ABCA12: variants seen among roughly 807,000 people sequenced by gnomAD.
The protein encoded by ABCA12 is ATP binding cassette subfamily A member 12, also known as glucosylceramide transporter ABCA12.
Under a neutral mutation model 293.5 loss-of-function variants are expected in ABCA12, and 156 were observed. The observed-to-expected ratio is 0.53, with a 90% CI of 0.47 to 0.61. The LOEUF is 0.61. Ranked by LOEUF, ABCA12 falls within the 20% of genes least tolerant of loss-of-function variation. The pLI is 0.00. For missense variants in ABCA12, 2,797 were observed against 3,090.2 expected (o/e 0.91, Z 2.25); for synonymous variants, 1,063 against 1,108.0 (o/e 0.96, Z 0.81).
At chr2:214,933,817 G>T (rs948757502) in intron 52 of ABCA12, among the ~76,000 whole-genome samples, 6 of 152,124 alleles carry the variant, frequency 3.9e-5, no homozygotes, top group Admixed American at 1.3e-4. Flanking sequence ...AAATAGTGGG[G>T]TTTTTTTCTT....
At position 214,937,615 on chromosome 2, in the gene ABCA12, C is replaced by G; in HGVS notation, c.7437G>C (p.Arg2479Ser). Residue 2479 changes from arginine (R) to serine (S), a missense_variant and splice_region_variant, in exon 51 of 53, where the codon AGG becomes AGC. By Grantham distance (110) the Arg-to-Ser change is moderately radical. This residue lies in a region of ABCA12 where 2,130 missense variants were observed against 2,427.0 expected (regional missense o/e 0.88). Coordinates refer to ENST00000272895, the MANE Select transcript of ABCA12 (RefSeq NM_173076.3). ...CTTTGACAGTAAATCCTCGTCCAAA[C>G]CTAGAAAGAAAAAGTGCAAAATATG... The part of the protein sequence containing the change: ...CIGSLQHIKS[R>S]FGRGFTVKVH... 6.2e-7 allele frequency: 1 copy of G among 1,612,958 alleles called. No homozygotes were observed. The highest frequency in any genetic ancestry group is 8.5e-7 in the Non-Finnish European group (1 of 1,179,146).
chr2:214,989,952 C>T (rs1699878293), intron 24 of ABCA12, among the ~76,000 whole-genome samples: 1 of 152,016 alleles, frequency 6.6e-6, no homozygotes, highest in Admixed American at 6.6e-5. Flanking sequence ...CTAAAATTTA[C>T]CAAAAATGTT....
At chr2:215,039,481 C>T (rs1004507751) in intron 7 of ABCA12, among the ~76,000 whole-genome samples, 5 of 152,096 alleles carry the variant, frequency 3.3e-5, no homozygotes, top group South Asian at 4.1e-4. Context: ...AAAGGCCGGG[C>T]GCAGTGGCTC....
intron 8 of ABCA12, 60 bp downstream of exon 8, chr2:215,036,893 T>C (rs2106037463): frequency 6.9e-7 from 1 of 1,451,520 alleles, no homozygotes; most frequent in South Asian, 1.1e-5. Context: ...GCACTCTGCT[T>C]TATATTTCCA....
At chr2:214,938,255 T>A (rs1001445524) in intron 50 of ABCA12, among the ~76,000 whole-genome samples, 1 of 152,206 alleles carries the variant, frequency 6.6e-6, no homozygotes, top group Non-Finnish European at 1.5e-5. Context: ...GGTTTCCAGC[T>A]TTATCCATGT....
intron 2 of ABCA12, among the ~76,000 whole-genome samples, chr2:215,073,178 T>C (rs1701770450): frequency 6.6e-6 from 1 of 152,200 alleles, no homozygotes. Context: ...TTAGTCTTGT[T>C]AGATAAGCCT....
intron 1 of ABCA12, among the ~76,000 whole-genome samples, chr2:215,128,934 G>A (rs1702989873): frequency 6.6e-6 from 1 of 152,184 alleles, no homozygotes; most frequent in African/African-American, 2.4e-5. Flanking sequence ...GGCTCTGTCA[G>A]AGGGAAGATC....
intron 2 of ABCA12, among the ~76,000 whole-genome samples, chr2:215,086,338 G>A (rs558700890): frequency 1.3e-5 from 2 of 152,336 alleles, no homozygotes; most frequent in South Asian, 2.1e-4. Context: ...ACAGACCAGG[G>A]ATACTTAAGT....
At chr2:215,021,759 T>A (rs1232883720) in intron 11 of ABCA12, among the ~76,000 whole-genome samples, 2 of 134,650 alleles carry the variant, frequency 1.5e-5, no homozygotes, top group Non-Finnish European at 3.1e-5. Flanking sequence ...CAATGATATG[T>A]CTTTAATGAG....
rs1014297830 is a variant in ABCA12, at chr2:214,956,573, G to A, written c.6233+90C>T. 28 of 935,420 alleles carry A rather than the reference G, an allele frequency of 3.0e-5. No homozygotes were observed. In the African/African-American group the frequency reaches 4.3e-4, roughly 14 times the overall value. 57.9% of individuals were successfully genotyped at this position (935,420 alleles called of 1,614,324 possible). On this transcript the variant is annotated intron_variant, in intron 42 of 52. Coordinates refer to ENST00000272895, the MANE Select transcript of ABCA12 (RefSeq NM_173076.3). ...TGTCAAATGAAACCCCAAGACAATT[G>A]TAATTTAGCTAATGAGATTTAAGTC...
intron 2 of ABCA12, among the ~76,000 whole-genome samples, chr2:215,084,299 C>T (rs1701998647): frequency 6.6e-6 from 1 of 152,096 alleles, no homozygotes; most frequent in Admixed American, 6.6e-5. Context: ...CAAATGTTTA[C>T]ATGTGTTCAC....
At chr2:215,135,789 C>G (rs1703212903) in intron 1 of ABCA12, among the ~76,000 whole-genome samples, 1 of 152,088 alleles carries the variant, frequency 6.6e-6, no homozygotes, top group Non-Finnish European at 1.5e-5. Context: ...TTCCAACTTT[C>G]CAACCTCTTA....
At chr2:215,075,451 G>T (rs1287708273) in intron 2 of ABCA12, 10 of 640,332 alleles carry the variant, frequency 1.6e-5, no homozygotes, top group Non-Finnish European at 2.2e-5. Context: ...GTGAGTGAAG[G>T]TTCAGACAGG....
Position 215,138,273 on chromosome 2 carries a change from G to A in ABCA12, c.-65C>T. 1 of 1,551,462 alleles carries A rather than the reference G, an allele frequency of 6.4e-7. No individual in the cohort carries two copies. On this transcript the variant is annotated 5_prime_UTR_variant, in exon 1 of 53. Transcript: ENST00000272895. Reference sequence around the variant, plus strand: ...TCCACTCCACAAATGAAGAACTGATGCCCCGTCCAACTTGCTGTATGTCAG... The same window carrying A: ...TCCACTCCACAAATGAAGAACTGATACCCCGTCCAACTTGCTGTATGTCAG...
At chr2:214,977,120 G>A (rs1477692596) in intron 33 of ABCA12, among the ~76,000 whole-genome samples, 1 of 152,208 alleles carries the variant, frequency 6.6e-6, no homozygotes, top group Non-Finnish European at 1.5e-5. Flanking sequence ...AGAAGGAGCT[G>A]AATATTTTCA....
intron 2 of ABCA12, among the ~76,000 whole-genome samples, chr2:215,100,333 T>G (rs1378600883): frequency 6.6e-6 from 1 of 152,176 alleles, no homozygotes; most frequent in Non-Finnish European, 1.5e-5. Context: ...ATCATGCCCC[T>G]TCTGCCTCTT....
In ABCA12 at chr2:215,026,714, T is replaced by C. The variant is rs912498542; in HGVS notation, c.1180+106A>G. On this transcript the variant is annotated intron_variant, in intron 10 of 52. Coordinates refer to ENST00000272895, the MANE Select transcript of ABCA12 (RefSeq NM_173076.3). ...AAACTGATGCATATGGAAACTAAGA[T>C]TTTACAAATTTTCTTTCCTGTGTAA... 7.5e-6 allele frequency: 7 copies of C among 936,456 alleles called. No homozygotes were observed. The African/African-American group carries it at 8.1e-5, about 11-fold the overall frequency. 58.0% of individuals were successfully genotyped at this position (936,456 alleles called of 1,614,324 possible).
At chr2:214,984,685 T>C (rs1324822545) in intron 28 of ABCA12, among the ~76,000 whole-genome samples, 1 of 152,158 alleles carries the variant, frequency 6.6e-6, no homozygotes, top group Non-Finnish European at 1.5e-5. Context: ...GATAAATTCA[T>C]ACACTGGTTG....
At chr2:215,062,412 A>G (rs1260019636) in intron 3 of ABCA12, among the ~76,000 whole-genome samples, 2 of 152,014 alleles carry the variant, frequency 1.3e-5, no homozygotes, top group Non-Finnish European at 2.9e-5. Flanking sequence ...ATGCTTGTAT[A>G]TGCCTAGAAC....
Sources: gnomAD v4.1 joint callset for allele counts (sites outside exome capture counted in the v4.1 genomes callset) on GRCh38, gnomAD v4.1.1 for gene constraint, gnomAD v4.1.1 regional missense constraint, MANE v1.5 for transcripts, NCBI Gene and HGNC (gene_info 2026-07-23, HGNC 2026-07-21) for gene names.